ARRB1: variants seen among roughly 807,000 people sequenced by gnomAD.
ARRB1 encodes the protein beta-arrestin-1.
A neutral mutation model predicts 56.8 loss-of-function variants in ARRB1; 21 were observed. The observed-to-expected ratio is 0.37, with a 90% confidence interval of 0.26 to 0.53. ARRB1 has a LOEUF of 0.53. ARRB1 is among the 20% of genes least tolerant of loss of function. ARRB1 has a pLI of 0.88. For synonymous variants in ARRB1, 210 were observed against 218.6 expected (o/e 0.96, Z 0.35); for missense variants, 424 against 553.7 (o/e 0.77, Z 2.35).
chr11:75,280,274 TCTC>T (rs2140420076), intron 7 of ARRB1, among the ~76,000 whole-genome samples: 1 of 152,176 alleles, frequency 6.6e-6, no homozygotes, highest in South Asian at 2.1e-4. Context: ...AAAAGTCCCA[TCTC>T]CTCACACACA....
intron 1 of ARRB1, among the ~76,000 whole-genome samples, chr11:75,296,669 CA>C (rs1239398176): frequency 1.3e-5 from 2 of 152,002 alleles, no homozygotes; most frequent in Non-Finnish European, 2.9e-5. Flanking sequence ...ATCAGCTAAA[CA>C]AGGAATTTTT....
chr11:75,293,676 G>A (rs898678469), intron 1 of ARRB1, among the ~76,000 whole-genome samples: 4 of 152,178 alleles, frequency 2.6e-5, no homozygotes, highest in African/African-American at 9.6e-5. Flanking sequence ...AAGGCTCAGT[G>A]GAGACAAGGA....
At chr11:75,295,245 A>AC (rs1491023403) in intron 1 of ARRB1, among the ~76,000 whole-genome samples, 5 of 129,968 alleles carry the variant, frequency 3.8e-5, no homozygotes, top group East Asian at 2.3e-4. Flanking sequence ...AAAAAAAAAA[A>AC]ACACACACAC....
intron 15 of ARRB1, 113 bp downstream of exon 15, chr11:75,267,539 C>T (rs3740842): frequency 4.8e-5 from 53 of 1,103,084 alleles, no homozygotes; most frequent in East Asian, 4.6e-4. Flanking sequence ...TCTCAGCAGA[C>T]GGGGTTAGAC....
At chr11:75,333,494 C>A (rs904687261) in intron 1 of ARRB1, among the ~76,000 whole-genome samples, 2 of 152,146 alleles carry the variant, frequency 1.3e-5, no homozygotes, top group African/African-American at 2.4e-5. Flanking sequence ...CAACTGGGGG[C>A]ACAGACAAAC....
At chr11:75,350,618 C>G (rs1947833988) in intron 1 of ARRB1, among the ~76,000 whole-genome samples, 1 of 152,216 alleles carries the variant, frequency 6.6e-6, no homozygotes. Flanking sequence ...GAGGCAGAGA[C>G]TGTTTCTGAG....
At chr11:75,283,523 G>A in intron 4 of ARRB1, 40 bp from the exon 5 acceptor site, 1 of 1,542,828 alleles carries the variant, frequency 6.5e-7, no homozygotes, top group Admixed American at 1.9e-5. Context: ...GCCTGGGAGA[G>A]CAGCAAGCGA....
intron 1 of ARRB1, among the ~76,000 whole-genome samples, chr11:75,327,382 A>T (rs1168574422): frequency 1.3e-5 from 2 of 150,270 alleles, no homozygotes; most frequent in African/African-American, 2.4e-5. Flanking sequence ...GCCGAGGATG[A>T]TCTCTAACTC....
Position 75,260,576 on chromosome 11 carries a change from T to C in ARRB1, c.*5587A>G, listed in dbSNP as rs1169578561. 6.6e-6 allele frequency: 1 copy of C among 152,288 alleles called. No individual in the cohort carries two copies. Among genetic ancestry groups the C allele is most frequent in the African/African-American group, 2.4e-5 (1 of 41,462 alleles). The allele number at this position is 152,288 out of a possible 1,614,324, so 9.4% of individuals were successfully genotyped here. A position where few individuals can be genotyped will look rare whatever the true frequency, so the allele number is the denominator to read the frequency against. On this transcript the variant is annotated 3_prime_UTR_variant, in exon 16 of 16. Transcript: ENST00000420843. ...CCACCTATCATACCCACCTCTCCTA[T>C]GACCCTTGCAATTGTCCCAGTGAGG...
Position 75,262,682 on chromosome 11 carries a change from C to T in ARRB1, c.*3481G>A, listed in dbSNP as rs1945824119. ...GTCAGGCAGGGAAGGGATTACAATC[C>T]CATTTTACAGTTAGGGAAATTGAGC... On this transcript the variant is annotated 3_prime_UTR_variant, in exon 16 of 16. Coordinates refer to ENST00000420843, the MANE Select transcript of ARRB1 (RefSeq NM_004041.5). Among the ~76,000 whole-genome samples the T allele has an allele frequency of 6.6e-6, 1 of 152,190 alleles. No homozygotes were observed. The highest frequency in any genetic ancestry group is 2.4e-5 in the African/African-American group (1 of 41,448).
At chr11:75,310,899 C>T (rs1591962313) in intron 1 of ARRB1, among the ~76,000 whole-genome samples, 1 of 152,166 alleles carries the variant, frequency 6.6e-6, no homozygotes. Context: ...ATTGCCTTTG[C>T]CACACTGCCT....
intron 14 of ARRB1, among the ~76,000 whole-genome samples, chr11:75,268,129 C>A (rs1945977079): frequency 1.3e-5 from 2 of 152,030 alleles, no homozygotes; most frequent in East Asian, 1.9e-4. Flanking sequence ...GAAGTTTTTT[C>A]CTAATTGTAC....
intron 1 of ARRB1, among the ~76,000 whole-genome samples, chr11:75,334,520 C>T (rs962986495): frequency 1.3e-5 from 2 of 152,184 alleles, no homozygotes; most frequent in African/African-American, 4.8e-5. Flanking sequence ...GGCATGGGCT[C>T]CCCTGAGCCA....
intron 10 of ARRB1, 60 bp from the exon 11 acceptor site, chr11:75,274,271 T>C (rs1946142809): frequency 1.9e-6 from 3 of 1,594,212 alleles, no homozygotes; most frequent in East Asian, 2.2e-5. Flanking sequence ...CCAGCCCTGA[T>C]CTCCAGCCCA....
At chr11:75,303,967 A>G (rs1282994370) in intron 1 of ARRB1, among the ~76,000 whole-genome samples, 1 of 152,190 alleles carries the variant, frequency 6.6e-6, no homozygotes, top group Non-Finnish European at 1.5e-5. Context: ...TGAATAAACA[A>G]GAGCCAAGCC....
At chr11:75,349,189 A>G (rs1947812685) in intron 1 of ARRB1, among the ~76,000 whole-genome samples, 1 of 152,160 alleles carries the variant, frequency 6.6e-6, no homozygotes, top group Non-Finnish European at 1.5e-5. Flanking sequence ...GGGCTGCAGG[A>G]GAGTCTGAAG....
intron 7 of ARRB1, among the ~76,000 whole-genome samples, chr11:75,279,269 G>C (rs750465): frequency 0.2 from 30,223 of 152,196 alleles, 3,889 homozygotes; most frequent in African/African-American, 0.36. Context: ...GCGGTCTCAA[G>C]AAGAAATGGG....
At chr11:75,276,179 G>A (rs1946196756) in intron 10 of ARRB1, among the ~76,000 whole-genome samples, 1 of 149,488 alleles carries the variant, frequency 6.7e-6, no homozygotes, top group Non-Finnish European at 1.5e-5. Flanking sequence ...ATTATATCAG[G>A]TATAATTGCC....
intron 1 of ARRB1, among the ~76,000 whole-genome samples, chr11:75,340,989 G>A (rs908671885): frequency 5.9e-5 from 9 of 152,056 alleles, no homozygotes; most frequent in Non-Finnish European, 1.2e-4. Flanking sequence ...TCCGCTGGCC[G>A]GCACAGCCCC....
Sources: gnomAD v4.1 joint callset for allele counts (sites outside exome capture counted in the v4.1 genomes callset) on GRCh38, gnomAD v4.1.1 for gene constraint, MANE v1.5 for transcripts, NCBI Gene and HGNC (gene_info 2026-07-23, HGNC 2026-07-21) for gene names.